TENM2: variants seen among roughly 807,000 people sequenced by gnomAD.
TENM2 encodes teneurin-2.
A neutral mutation model predicts 245.2 loss-of-function variants in TENM2; 52 were observed. That is an observed-to-expected ratio of 0.21 (90% CI 0.17 to 0.27). TENM2 has a LOEUF of 0.27. Ranked by LOEUF, TENM2 falls within the 10% of genes least tolerant of loss-of-function variation. The pLI, the probability that TENM2 is intolerant of heterozygous loss-of-function variation, is 1.00. For synonymous variants in TENM2, 1,363 were observed against 1,438.9 expected (o/e 0.95, Z 1.19); for missense variants, 3,046 against 3,666.8 (o/e 0.83, Z 4.37).
chr5:168,006,365 C>T (rs1170272433), intron 5 of TENM2, among the ~76,000 whole-genome samples: 2 of 152,126 alleles, frequency 1.3e-5, no homozygotes, highest in African/African-American at 2.4e-5. Context: ...GGTTGTCATG[C>T]GGTCTTGACT....
the TENM2 span, among the ~76,000 whole-genome samples, chr5:167,218,335 A>G: frequency 6.6e-6 from 1 of 152,140 alleles, no homozygotes; most frequent in Non-Finnish European, 1.5e-5. Context: ...GAGAATTTAA[A>G]AGCTTTATGA....
At chr5:167,369,437 C>CT (rs1760269428) in intron 1 of TENM2, among the ~76,000 whole-genome samples, 1 of 141,576 alleles carries the variant, frequency 7.1e-6, no homozygotes, top group African/African-American at 2.7e-5. Context: ...ATTCTGTGAC[C>CT]TTTTTGATGA....
intron 2 of TENM2, among the ~76,000 whole-genome samples, chr5:167,678,388 G>A (rs527250303): frequency 2.8e-4 from 42 of 152,024 alleles, no homozygotes; most frequent in Non-Finnish European, 4.7e-4. Context: ...ACTCAATGCA[G>A]GGCGTTTTTT....
intron 11 of TENM2, among the ~76,000 whole-genome samples, chr5:168,125,259 T>C (rs574521613): frequency 4.6e-5 from 7 of 152,176 alleles, no homozygotes; most frequent in South Asian, 2.1e-4. Context: ...GTTGGTACCA[T>C]CACCGCAAAT....
chr5:167,377,099 G>A (rs1760796863), intron 2 of TENM2, among the ~76,000 whole-genome samples: 1 of 151,908 alleles, frequency 6.6e-6, no homozygotes, highest in Admixed American at 6.6e-5. Flanking sequence ...AATAAGGGAG[G>A]GTTTCTGGTG....
intron 1 of TENM2, among the ~76,000 whole-genome samples, chr5:167,365,911 T>C (rs1760020350): frequency 6.6e-6 from 1 of 151,890 alleles, no homozygotes; most frequent in Admixed American, 6.6e-5. Flanking sequence ...TAGCATGAAA[T>C]GCTTATAATA....
intron 12 of TENM2, among the ~76,000 whole-genome samples, chr5:168,154,156 A>AAAAC (rs1554209470): frequency 4.6e-5 from 7 of 150,634 alleles, no homozygotes; most frequent in African/African-American, 1.7e-4. Flanking sequence ...TTAAAAAAAA[A>AAAAC]AAAAAAAAAA....
chr5:168,166,572 A>G (rs1758326107), intron 13 of TENM2, among the ~76,000 whole-genome samples: 1 of 152,196 alleles, frequency 6.6e-6, no homozygotes, highest in Admixed American at 6.5e-5. Flanking sequence ...GCTAAGCCCT[A>G]TTCCTAGAGC....
intron 7 of TENM2, among the ~76,000 whole-genome samples, chr5:168,077,553 C>A (rs1412317863): frequency 2.0e-5 from 3 of 151,994 alleles, no homozygotes; most frequent in African/African-American, 7.3e-5. Context: ...CATTAGGTAT[C>A]TCTCCTAATG....
At chr5:167,423,703 A>G (rs941045031) in intron 2 of TENM2, among the ~76,000 whole-genome samples, 10 of 152,186 alleles carry the variant, frequency 6.6e-5, no homozygotes, top group African/African-American at 2.4e-4. Flanking sequence ...TAAGCATTAT[A>G]CTGAGAAAAC....
intron 22 of TENM2, 104 bp downstream of exon 24, chr5:168,217,026 T>C: frequency 8.0e-7 from 1 of 1,255,370 alleles, no homozygotes. Context: ...GAGGGAGAGA[T>C]ACAGATACAG....
chr5:167,727,991 G>A (rs1760145361), intron 2 of TENM2, among the ~76,000 whole-genome samples: 1 of 152,154 alleles, frequency 6.6e-6, no homozygotes, highest in African/African-American at 2.4e-5. Context: ...GCTTATGCAG[G>A]TGTGACTTAC....
chr5:168,032,072 T>C (rs1406891553), intron 5 of TENM2, among the ~76,000 whole-genome samples: 1 of 152,194 alleles, frequency 6.6e-6, no homozygotes, highest in African/African-American at 2.4e-5. Flanking sequence ...TAGTCAAGTG[T>C]TCTGAGCCAG....
chr5:167,689,532 T>C (rs1482712134), intron 2 of TENM2, among the ~76,000 whole-genome samples: 1 of 152,108 alleles, frequency 6.6e-6, no homozygotes, highest in East Asian at 1.9e-4. Context: ...CACAAAAAAA[T>C]GAAATGATCA....
chr5:167,539,110 G>C (rs1728267447), intron 2 of TENM2, among the ~76,000 whole-genome samples: 1 of 152,026 alleles, frequency 6.6e-6, no homozygotes, highest in South Asian at 2.1e-4. Context: ...GATATGACCA[G>C]CATTCACAGG....
At chr5:167,973,167 A>G (rs1203511464) in intron 4 of TENM2, among the ~76,000 whole-genome samples, 4 of 152,234 alleles carry the variant, frequency 2.6e-5, no homozygotes, top group Non-Finnish European at 2.9e-5. Flanking sequence ...TTGTTTAACT[A>G]TTACAGAAAA....
At chr5:168,054,679 A>T (rs536453686) in intron 6 of TENM2, among the ~76,000 whole-genome samples, 4 of 152,348 alleles carry the variant, frequency 2.6e-5, no homozygotes, top group Admixed American at 2.6e-4. Flanking sequence ...TGAAATGATT[A>T]GCTCCTAATG....
At chr5:167,476,537 T>G (rs1363717101) in intron 2 of TENM2, among the ~76,000 whole-genome samples, 4 of 152,204 alleles carry the variant, frequency 2.6e-5, no homozygotes, top group African/African-American at 9.6e-5. Context: ...AGGATGAATT[T>G]TTGCTTGAAA....
At chr5:167,751,041 G>T (rs1351669905) in intron 2 of TENM2, among the ~76,000 whole-genome samples, 1 of 152,170 alleles carries the variant, frequency 6.6e-6, no homozygotes, top group Non-Finnish European at 1.5e-5. Flanking sequence ...CACAGGGAGG[G>T]AGAGGAGTGT....
Sources: allele counts gnomAD v4.1 joint callset (sites outside exome capture counted in the v4.1 genomes callset), GRCh38; gene constraint gnomAD v4.1.1; transcripts MANE v1.5; gene names NCBI Gene and HGNC (gene_info 2026-07-23, HGNC 2026-07-21).